Variants in NFAM1 observed in about 807,000 individuals in gnomAD.
NFAM1 encodes the protein NFAT activation molecule 1.
NFAM1 carries 17 observed loss-of-function variants against 29.0 expected under a neutral mutation model. That is an observed-to-expected ratio of 0.59 (90% CI 0.40 to 0.88). The LOEUF is 0.88. Among genes scored for constraint, NFAM1 ranks in the 40% least tolerant of loss-of-function variants. NFAM1 has a pLI of 0.00. For synonymous variants in NFAM1, 175 were observed against 147.2 expected, an observed-to-expected ratio of 1.19 and a Z score of -1.36; for missense variants, 324 against 344.6, an observed-to-expected ratio of 0.94 and a Z score of 0.47.
chr22:42,436,735 T>C (rs2146567196), upstream of NFAM1, among the ~76,000 whole-genome samples: 1 of 152,222 alleles, frequency 6.6e-6, no homozygotes, highest in East Asian at 1.9e-4. Context: ...ATGGGAGGTG[T>C]TATGACTGCT....
chr22:42,385,863 G>A (rs1478766237), intron 5 of NFAM1, among the ~76,000 whole-genome samples: 3 of 152,156 alleles, frequency 2.0e-5, no homozygotes, highest in Admixed American at 6.5e-5. Context: ...GTGCCAGCCC[G>A]AGCCAGAGAA....
At chr22:42,414,776 C>G (rs1176166200) in intron 1 of NFAM1, among the ~76,000 whole-genome samples, 1 of 151,872 alleles carries the variant, frequency 6.6e-6, no homozygotes, top group Non-Finnish European at 1.5e-5. Flanking sequence ...AGAGGCCACT[C>G]CAGGGGGAGG....
chr22:42,404,655 A>G lies in NFAM1; in HGVS notation c.564+4780T>C, dbSNP rs370989735. Among the ~76,000 whole-genome samples, 75 of 152,140 alleles carry G rather than the reference A, an allele frequency of 4.9e-4. 1 individual carries two copies. The East Asian group carries it at 0.011, about 23-fold the overall frequency. ...CAGATCTCCTGATGTCAGGAGTTTG[A>G]GACCAGCCTGGCCAACATGGTGAAA... On this transcript the variant is annotated intron_variant, in intron 3 of 5. Coordinates refer to ENST00000329021, the MANE Select transcript of NFAM1 (RefSeq NM_145912.8).
At chr22:42,428,009 G>A (rs1569237253) in intron 1 of NFAM1, among the ~76,000 whole-genome samples, 2 of 152,156 alleles carry the variant, frequency 1.3e-5, no homozygotes, top group Admixed American at 6.5e-5. Flanking sequence ...TGCTTACCAC[G>A]CAGCACTGCG....
At chr22:42,422,462 T>C (rs1930477315) in intron 1 of NFAM1, among the ~76,000 whole-genome samples, 1 of 151,894 alleles carries the variant, frequency 6.6e-6, no homozygotes, top group Non-Finnish European at 1.5e-5. Flanking sequence ...AAAATTTAGC[T>C]GGGCATGGTG....
chr22:42,421,091 C>T (rs1299660510), intron 1 of NFAM1, among the ~76,000 whole-genome samples: 1 of 152,188 alleles, frequency 6.6e-6, no homozygotes, highest in East Asian at 1.9e-4. Flanking sequence ...CATCCCTGTT[C>T]TGCAGCAGGG....
Position 42,388,634 on chromosome 22 carries a change from G to A in NFAM1, c.664-1556C>T, listed in dbSNP as rs1370556991. Among the ~76,000 whole-genome samples the A allele has an allele frequency of 6.6e-6, 1 of 151,438 alleles. No homozygotes were observed. The highest frequency in any genetic ancestry group is 1.9e-4 in the East Asian group (1 of 5,138). On this transcript the variant is annotated intron_variant, in intron 4 of 5. Coordinates refer to ENST00000329021, the MANE Select transcript of NFAM1 (RefSeq NM_145912.8). This position sits in a 1 kb window ranked among gnomAD's most constrained non-coding sequence, Gnocchi z 4.1. The stretch of plus-strand genomic sequence containing the variant: ...GACAGGTGGTGCTCAGAGGCAGGAG[G>A]AGGGCGGGAGGCGGGAGGGAAGGAG...
intron 3 of NFAM1, among the ~76,000 whole-genome samples, chr22:42,406,395 A>AC (rs1438058725): frequency 7.2e-5 from 11 of 152,034 alleles, no homozygotes; most frequent in Non-Finnish European, 1.0e-4. Context: ...CCTTCCTTGT[A>AC]TCACATAGAG....
At chr22:42,423,228 C>T (rs1028687561) in intron 1 of NFAM1, among the ~76,000 whole-genome samples, 5 of 151,772 alleles carry the variant, frequency 3.3e-5, no homozygotes, top group Admixed American at 6.6e-5. Context: ...GGCCCTGCCA[C>T]CAGGAAGGGA....
chr22:42,403,262 C>T (rs896710955), intron 3 of NFAM1, among the ~76,000 whole-genome samples: 4 of 152,328 alleles, frequency 2.6e-5, no homozygotes, highest in East Asian at 3.9e-4. Flanking sequence ...TGGAACTGAA[C>T]GAAGGCCCAA....
intron 3 of NFAM1, among the ~76,000 whole-genome samples, chr22:42,407,488 C>T (rs142798379): frequency 0.011 from 1,660 of 152,238 alleles, 32 homozygotes; most frequent in African/African-American, 0.038. Context: ...CCCACTTCAG[C>T]CTCCCAAGTA....
chr22:42,409,303 C>T lies in NFAM1; in HGVS notation c.564+132G>A. On this transcript the variant is annotated intron_variant, in intron 3 of 5. Coordinates refer to ENST00000329021, the MANE Select transcript of NFAM1 (RefSeq NM_145912.8). This position sits in a 1 kb window ranked among gnomAD's most constrained non-coding sequence, Gnocchi z 4.9. ...ATGCCCCCAGCCCTGGTGCAAGGGG[C>T]CACGAGGGCCACCTGTTACAGATGT... The T allele has an allele frequency of 4.2e-6, 2 of 478,782 alleles. No individual in the cohort carries two copies. Among genetic ancestry groups the T allele is most frequent in the Non-Finnish European group, 3.8e-6 (1 of 266,474 alleles). The allele number at this position is 478,782 out of a possible 1,614,324, so 29.7% of individuals were successfully genotyped here.
At chr22:42,430,556 C>CAAAAA (rs10684230) in intron 1 of NFAM1, among the ~76,000 whole-genome samples, 14 of 72,912 alleles carry the variant, frequency 1.9e-4, no homozygotes, top group African/African-American at 4.4e-4. Context: ...GTGAAACTCT[C>CAAAAA]AAAAAAAAAA....
At chr22:42,397,365 G>A (rs571914046) in intron 4 of NFAM1, among the ~76,000 whole-genome samples, 2 of 152,372 alleles carry the variant, frequency 1.3e-5, no homozygotes, top group South Asian at 4.1e-4. Context: ...CGCTGTGATT[G>A]TGACCATGTA....
intron 1 of NFAM1, among the ~76,000 whole-genome samples, chr22:42,427,747 C>T (rs1469254672): frequency 6.6e-6 from 1 of 152,220 alleles, no homozygotes; most frequent in African/African-American, 2.4e-5. Context: ...GGAGAATACA[C>T]ACAGTATCCT....
chr22:42,418,610 T>C (rs1311104366), intron 1 of NFAM1, among the ~76,000 whole-genome samples: 1 of 151,938 alleles, frequency 6.6e-6, no homozygotes, highest in African/African-American at 2.4e-5. Flanking sequence ...AGAGAATCGC[T>C]TGAACCCAGG....
At chr22:42,417,036 G>A (rs17003066) in intron 1 of NFAM1, among the ~76,000 whole-genome samples, 2 of 151,912 alleles carry the variant, frequency 1.3e-5, no homozygotes, top group Non-Finnish European at 2.9e-5. Context: ...CCGCAAGCAC[G>A]CAGAGCCCAG....
At chr22:42,436,898 G>A (rs1191614197), upstream of NFAM1, 1 of 523,868 alleles carries the variant, frequency 1.9e-6, no homozygotes, top group East Asian at 1.5e-4. Context: ...CTTTAATCAG[G>A]GCAGATATTA....
At chr22:42,418,853 G>A (rs1025055132) in intron 1 of NFAM1, among the ~76,000 whole-genome samples, 1 of 152,212 alleles carries the variant, frequency 6.6e-6, no homozygotes, top group African/African-American at 2.4e-5. Flanking sequence ...CCCGGGCGCT[G>A]GCCTGGCCTG....
Sources: allele counts gnomAD v4.1 joint callset (sites outside exome capture counted in the v4.1 genomes callset), GRCh38; gene constraint gnomAD v4.1.1; non-coding constraint Gnocchi (gnomAD v3.1); transcripts MANE v1.5; gene names NCBI Gene and HGNC (gene_info 2026-07-23, HGNC 2026-07-21).